The following ARHGAP44 variants were observed in gnomAD, a reference collection of about 807,000 sequenced individuals.
ARHGAP44 encodes Rho GTPase activating protein 44, also known as rho GTPase-activating protein 44.
ARHGAP44 carries 43 observed loss-of-function variants against 106.8 expected under a neutral mutation model. The observed-to-expected ratio is 0.40, with a 90% CI of 0.32 to 0.52. ARHGAP44 has a LOEUF of 0.52. Among genes scored for constraint, ARHGAP44 ranks in the 20% least tolerant of loss-of-function variants. ARHGAP44 has a pLI of 0.48. For missense variants in ARHGAP44, 866 were observed against 1,050.5 expected, an observed-to-expected ratio of 0.82 and a Z score of 2.43; for synonymous variants, 439 against 410.3, an observed-to-expected ratio of 1.07 and a Z score of -0.85.
At chr17:12,804,773 G>C (rs1266702288) in intron 1 of ARHGAP44, among the ~76,000 whole-genome samples, 1 of 152,160 alleles carries the variant, frequency 6.6e-6, no homozygotes, top group African/African-American at 2.4e-5. Flanking sequence ...ATAAAACTTG[G>C]TGTATTGTAT....
intron 6 of ARHGAP44, among the ~76,000 whole-genome samples, chr17:12,927,187 T>C (rs2038273094): frequency 6.6e-6 from 1 of 152,312 alleles, no homozygotes; most frequent in African/African-American, 2.4e-5. Context: ...TCAGAGAACA[T>C]GTGTTCATCT....
chr17:12,943,428 A>C (rs1426207192), intron 8 of ARHGAP44, among the ~76,000 whole-genome samples, 160 bp from the exon 9 acceptor site: 1 of 152,194 alleles, frequency 6.6e-6, no homozygotes, highest in African/African-American at 2.4e-5. Flanking sequence ...ATGGAGGCTA[A>C]AGAGGAAGCA....
intron 18 of ARHGAP44, among the ~76,000 whole-genome samples, chr17:12,976,521 G>T (rs2039686700): frequency 6.7e-6 from 1 of 149,336 alleles, no homozygotes; most frequent in South Asian, 2.1e-4. Context: ...GCTGAGGCAG[G>T]AGAATCGCTT....
chr17:12,891,299 G>A (rs936308291), intron 1 of ARHGAP44, among the ~76,000 whole-genome samples: 11 of 152,154 alleles, frequency 7.2e-5, no homozygotes, highest in Non-Finnish European at 1.5e-4. Context: ...TCTTTGTGCT[G>A]CCATAAATGA....
intron 1 of ARHGAP44, among the ~76,000 whole-genome samples, chr17:12,809,003 A>G (rs1238668555): frequency 1.3e-5 from 2 of 152,206 alleles, no homozygotes; most frequent in Non-Finnish European, 2.9e-5. Context: ...TGTCAGATGC[A>G]CTAAATCATC....
At chr17:12,905,377 A>G (rs1043575995) in intron 3 of ARHGAP44, among the ~76,000 whole-genome samples, 6 of 152,172 alleles carry the variant, frequency 3.9e-5, no homozygotes, top group South Asian at 4.1e-4. Context: ...TGATGAGAAA[A>G]TGTAGCTTCC....
At chr17:12,947,778 C>T (rs990496734) in intron 10 of ARHGAP44, among the ~76,000 whole-genome samples, 1 of 152,164 alleles carries the variant, frequency 6.6e-6, no homozygotes, top group Non-Finnish European at 1.5e-5. Context: ...CTGAGTGACT[C>T]CTTTCCTGTA....
chr17:12,861,679 C>CACCCCG (rs57280683), intron 1 of ARHGAP44, among the ~76,000 whole-genome samples: 1 of 126,530 alleles, frequency 7.9e-6, no homozygotes, highest in African/African-American at 2.8e-5. Context: ...CTTGCTCAGT[C>CACCCCG]GCTGGAGTGC....
chr17:12,795,598 C>G (rs1482665412), intron 1 of ARHGAP44, among the ~76,000 whole-genome samples: 1 of 151,284 alleles, frequency 6.6e-6, no homozygotes, highest in Non-Finnish European at 1.5e-5. Context: ...AGTAGCCATA[C>G]AAATATACTG....
At chr17:12,970,620 T>C (rs1477429606) in intron 16 of ARHGAP44, among the ~76,000 whole-genome samples, 1 of 152,230 alleles carries the variant, frequency 6.6e-6, no homozygotes, top group Non-Finnish European at 1.5e-5. Flanking sequence ...ATCTTTGCCA[T>C]CTAGATTGTC....
intron 1 of ARHGAP44, among the ~76,000 whole-genome samples, chr17:12,885,876 AT>A (rs1281925927): frequency 6.6e-6 from 1 of 151,672 alleles, no homozygotes; most frequent in Non-Finnish European, 1.5e-5. Flanking sequence ...CTAATGTATC[AT>A]TTTTTTTCTT....
intron 1 of ARHGAP44, chr17:12,790,817 G>A (rs965259040): frequency 1.3e-5 from 2 of 152,190 alleles, no homozygotes; most frequent in Non-Finnish European, 2.9e-5. Flanking sequence ...TAGGTAGAAG[G>A]GATTTTTCCT....
At chr17:12,824,837 A>T (rs1490610819) in intron 1 of ARHGAP44, among the ~76,000 whole-genome samples, 1 of 150,952 alleles carries the variant, frequency 6.6e-6, no homozygotes, top group African/African-American at 2.4e-5. Flanking sequence ...GTTCTCTGCC[A>T]CTCTGACCAC....
chr17:12,953,972 C>T (rs903500191), intron 13 of ARHGAP44, among the ~76,000 whole-genome samples: 3 of 152,134 alleles, frequency 2.0e-5, no homozygotes, highest in Admixed American at 1.3e-4. Context: ...CTGCAACCCC[C>T]ACCACCTGGG....
intron 9 of ARHGAP44, 92 bp from the exon 10 acceptor site, chr17:12,943,977 T>TTAG: frequency 6.9e-7 from 1 of 1,444,710 alleles, no homozygotes; most frequent in Non-Finnish European, 9.2e-7. Flanking sequence ...TTTGGTAATC[T>TTAG]TAGGAGAATC....
intron 1 of ARHGAP44, among the ~76,000 whole-genome samples, chr17:12,882,377 CT>C (rs2036765783): frequency 6.6e-6 from 1 of 151,980 alleles, no homozygotes; most frequent in Admixed American, 6.6e-5. Context: ...TTTGGATTAT[CT>C]TTGTGAACAA....
intron 1 of ARHGAP44, among the ~76,000 whole-genome samples, chr17:12,880,147 G>T (rs1189977648): frequency 6.6e-6 from 1 of 151,994 alleles, no homozygotes; most frequent in Admixed American, 6.6e-5. Flanking sequence ...AATCATTTAT[G>T]TAATATGCTT....
At chr17:12,862,506 C>A (rs1431477839) in intron 1 of ARHGAP44, among the ~76,000 whole-genome samples, 1 of 152,180 alleles carries the variant, frequency 6.6e-6, no homozygotes, top group Non-Finnish European at 1.5e-5. Context: ...GACCCACAGA[C>A]AGAGTGTCAT....
intron 2 of ARHGAP44, among the ~76,000 whole-genome samples, chr17:12,896,078 G>C (rs762616857): frequency 1.4e-5 from 2 of 138,678 alleles, no homozygotes; most frequent in South Asian, 2.4e-4. Context: ...ACAGGCTGGG[G>C]AACATCACAC....
Sources: gnomAD v4.1 joint callset for allele counts (sites outside exome capture counted in the v4.1 genomes callset) on GRCh38, gnomAD v4.1.1 for gene constraint, MANE v1.5 for transcripts, NCBI Gene and HGNC (gene_info 2026-07-23, HGNC 2026-07-21) for gene names.